Variants in NUP210 observed in about 807,000 individuals in gnomAD.
NUP210 encodes the protein nucleoporin 210, also known as nuclear pore membrane glycoprotein 210.
In NUP210, 151 loss-of-function variants were observed where a neutral mutation model predicts 196.0. That is an observed-to-expected ratio of 0.77 (90% CI 0.67 to 0.88). NUP210 has a LOEUF of 0.88. NUP210 is among the 40% of genes least tolerant of loss of function. The pLI is 0.00. For missense variants in NUP210, 2,314 were observed against 2,493.7 expected (o/e 0.93, Z 1.53); for synonymous variants, 1,070 against 1,052.7 (o/e 1.02, Z -0.32).
chr3:13,398,268 C>A (rs1346506236), intron 2 of NUP210, among the ~76,000 whole-genome samples: 1 of 152,064 alleles, frequency 6.6e-6, no homozygotes, highest in Non-Finnish European at 1.5e-5. Flanking sequence ...GATGAAACCC[C>A]ATCTTTATTA....
chr3:13,412,231 C>CTTTTTTTTTTTTTTTTTTTTTTT (rs71066953), intron 1 of NUP210, among the ~76,000 whole-genome samples: 1 of 104,790 alleles, frequency 9.5e-6, no homozygotes, highest in African/African-American at 5.2e-5. Context: ...TTTTCCTTTT[C>CTTTTTTTTTTTTTTTTTTTTTTT]TTTTTTTTTT....
At position 13,420,023 on chromosome 3, in the gene NUP210, G is replaced by T; in HGVS notation, c.167+37C>A. 2 of 1,162,554 alleles carry T rather than the reference G, an allele frequency of 1.7e-6. No homozygotes were observed. Among genetic ancestry groups the T allele is most frequent in the South Asian group, 2.8e-5 (1 of 36,114 alleles). The allele number at this position is 1,162,554 out of a possible 1,614,324, so 72.0% of individuals were successfully genotyped here. A position where few individuals can be genotyped will look rare whatever the true frequency, so the allele number is the denominator to read the frequency against. On this transcript the variant is annotated intron_variant, in intron 1 of 39. Coordinates refer to ENST00000254508, the MANE Select transcript of NUP210 (RefSeq NM_024923.4). The surrounding 1 kb of genome is among the most constrained non-coding windows in gnomAD (Gnocchi z 4.8). ...CCTCTCAGCGCGAAGGCCCAGCCCG[G>T]CCCACGGCGCCCGCCCGGCCCGGCC...
chr3:13,361,399 C>T (rs1222204310), intron 14 of NUP210, among the ~76,000 whole-genome samples: 1 of 152,206 alleles, frequency 6.6e-6, no homozygotes, highest in Non-Finnish European at 1.5e-5. Flanking sequence ...CAGTGGTGCC[C>T]AGGGCCCCAT....
Position 13,340,251 on chromosome 3 carries a change from G to A in NUP210, c.3276C>T (p.Ile1092=), listed in dbSNP as rs752404764. The A allele has an allele frequency of 5.0e-6, 8 of 1,613,308 alleles. No individual in the cohort carries two copies. The highest frequency in any genetic ancestry group is 1.6e-4 in the Middle Eastern group (1 of 6,082). The change falls in exon 24 of 40, where the codon ATC becomes ATT. Residue 1092 remains isoleucine, a synonymous_variant. Coordinates refer to ENST00000254508, the MANE Select transcript of NUP210 (RefSeq NM_024923.4). The surrounding 1 kb of genome is among the most constrained non-coding windows in gnomAD (Gnocchi z 4.0). ...RLMPRKVTLL[I]GATMQVTSEG... ...TGGCTCTCACCTGCATCGTGGCCCCGATAAGCAGTGTCACCTTCCTGGGCA... is the reference window on the plus strand; with the variant it reads ...TGGCTCTCACCTGCATCGTGGCCCCAATAAGCAGTGTCACCTTCCTGGGCA...
Position 13,317,415 on chromosome 3 carries a change from C to A in NUP210, c.*266G>T, listed in dbSNP as rs1696311669. 1 of 493,636 alleles carries A rather than the reference C, an allele frequency of 2.0e-6. No homozygotes were observed. Among genetic ancestry groups the A allele is most frequent in the Non-Finnish European group, 3.7e-6 (1 of 273,602 alleles). 30.6% of individuals were successfully genotyped at this position (493,636 alleles called of 1,614,324 possible). On this transcript the variant is annotated 3_prime_UTR_variant, in exon 40 of 40. Transcript: ENST00000254508. ...CAGCACATTGTCCAGAAACCCTAGA[C>A]AACCATGCAAAAAGGAATGAGCCAA...
rs1696537792 is a variant in NUP210 at position 13,321,735 on chromosome 3, G to A, written c.5016C>T (p.Ser1672=). The change falls in exon 36 of 40, where the codon TCC becomes TCT. Residue 1672 remains serine (S), a synonymous_variant. Transcript: ENST00000254508. ...CCTGCTCTGTGGAGAAGTGGCTGCTGGAGAGGGAGGCACTGACCACCAGAG... is the reference window on the plus strand; with the variant it reads ...CCTGCTCTGTGGAGAAGTGGCTGCTAGAGAGGGAGGCACTGACCACCAGAG... The part of the protein sequence containing the change: ...KTALVVSASL[S]SSHFSTEQVG... 6.2e-7 allele frequency: 1 copy of A among 1,614,012 alleles called. No individual in the cohort carries two copies. The highest frequency in any genetic ancestry group is 8.5e-7 in the Non-Finnish European group (1 of 1,180,036).
chr3:13,354,384 A>G, intron 16 of NUP210: 1 of 464,276 alleles, frequency 2.2e-6, no homozygotes, highest in South Asian at 2.4e-5. Context: ...GGCTGTCCCT[A>G]CGCATGAGTC....
rs181256527 is a variant in NUP210 at position 13,351,893 on chromosome 3, T to C, written c.2821A>G (p.Arg941Gly). 156 of 1,613,306 alleles carry C rather than the reference T, an allele frequency of 9.7e-5. No homozygotes were observed. In the Admixed American group the frequency reaches 1.7e-3, roughly 18 times the overall value. The change falls in exon 20 of 40, where the codon AGG (arginine) becomes GGG (glycine). Residue 941 changes from arginine (R) to glycine (G), a missense_variant. Arg to Gly is a moderately radical substitution (Grantham distance 125, BLOSUM62 -2). Transcript: ENST00000254508. Reference protein sequence around the residue: ...DVVKVAYQEARGVAMVHPLLP... With the variant: ...DVVKVAYQEAGGVAMVHPLLP... ...CCCAAGCTTACCATGGCGACACCCCTGGCCTCCTGGTAGGCCACCTTGACA... is the reference window on the plus strand; with the variant it reads ...CCCAAGCTTACCATGGCGACACCCCCGGCCTCCTGGTAGGCCACCTTGACA...
At position 13,325,849 on chromosome 3, in the gene NUP210, C is replaced by T; in HGVS notation, c.4590G>A (p.Val1530=). ...PKTGVAVARA[V]GSVTVYYEVA... ...CCTCATAGTAAACCGTCACGGATCC[C>T]ACGGCCCGGGCCACAGCCACACCCG... is the stretch of plus-strand genomic sequence containing the variant. Residue 1530 remains valine (V), a synonymous_variant, in exon 33 of 40, where the codon GTG becomes GTA. Transcript: ENST00000254508. 2 of 1,613,974 alleles carry T rather than the reference C, an allele frequency of 1.2e-6. No homozygotes were observed. The highest frequency in any genetic ancestry group is 1.7e-6 in the Non-Finnish European group (2 of 1,180,024).
chr3:13,390,103 C>T (rs985116490), intron 4 of NUP210, among the ~76,000 whole-genome samples: 6 of 152,122 alleles, frequency 3.9e-5, no homozygotes, highest in African/African-American at 1.4e-4. Context: ...TGACCAAACT[C>T]GAGTAAGGTC....
intron 11 of NUP210, among the ~76,000 whole-genome samples, chr3:13,374,216 A>C (rs1231854630): frequency 6.6e-6 from 1 of 152,138 alleles, no homozygotes; most frequent in Non-Finnish European, 1.5e-5. Context: ...TCATTCGTAC[A>C]CATGCTCACT....
chr3:13,317,828 G>T, intron 39 of NUP210, 47 bp from the exon 40 acceptor site: 1 of 1,344,876 alleles, frequency 7.4e-7, no homozygotes, highest in Non-Finnish European at 1.0e-6. Flanking sequence ...CAGGGAAAGC[G>T]GCGCACTCTT....
chr3:13,378,476 A>C (rs1698994333), intron 8 of NUP210, among the ~76,000 whole-genome samples: 1 of 152,230 alleles, frequency 6.6e-6, no homozygotes, highest in Non-Finnish European at 1.5e-5. Context: ...GCTCTGTCTG[A>C]GAAAATGCCT....
rs767710739 is a variant in NUP210, at chr3:13,321,793, T to C, written c.4958A>G (p.Lys1653Arg). The change falls in exon 36 of 40, where the codon AAG becomes AGG. Residue 1653 changes from lysine to arginine, a missense_variant. By Grantham distance (26) the Lys-to-Arg change is conservative. Transcript: ENST00000254508. ...CSITMHRLTDKQRKHLSMKKT... is the reference protein window; with the variant it reads ...CSITMHRLTDRQRKHLSMKKT... Reference sequence around the variant, plus strand: ...CTTCATGCTCAGGTGCTTCCGCTGCTTGTCCGTCAGCCTGTGCATTGTGAT... The same window carrying C: ...CTTCATGCTCAGGTGCTTCCGCTGCCTGTCCGTCAGCCTGTGCATTGTGAT... 1.9e-6 allele frequency: 3 copies of C among 1,610,668 alleles called. No individual in the cohort carries two copies. Among genetic ancestry groups the C allele is most frequent in the East Asian group, 4.5e-5 (2 of 44,876 alleles).
chr3:13,352,165 A>T lies in NUP210; in HGVS notation c.2648T>A (p.Leu883Gln). The change falls in exon 19 of 40, where the codon CTG becomes CAG. Residue 883 changes from leucine to glutamine, a missense_variant. Transcript: ENST00000254508. ...CAGGATGAGCTCTATGGAGGCCGAC[A>T]GAGGCACCAGAGGGTCATGCTGAAG... Reference protein sequence around the residue: ...TKQPHDPLVPLSASIELILVE... With the variant: ...TKQPHDPLVPQSASIELILVE... The T allele has an allele frequency of 6.2e-7, 1 of 1,613,406 alleles. No individual in the cohort carries two copies. Among genetic ancestry groups the T allele is most frequent in the Non-Finnish European group, 8.5e-7 (1 of 1,179,776 alleles).
Position 13,332,560 on chromosome 3 carries a change from AGGTGTGGCCG to A in NUP210, c.3844-186_3844-177del, listed in dbSNP as rs545697183. 1.7e-3 allele frequency among the ~76,000 whole-genome samples: 264 copies of A among 152,310 alleles called. 1 individual carries two copies. Among genetic ancestry groups the A allele is most frequent in the Non-Finnish European group, 3.1e-3 (213 of 68,026 alleles). On this transcript the variant is annotated intron_variant, in intron 28 of 39. Transcript: ENST00000254508. ...GAAGGGCTGACCTTTAAGAGGCCAA[AGGTGTGGCCG>A]GGTAGAGTAGCTCAGCCAAGGCAAC...
chr3:13,368,989 T>C (rs963496320), intron 13 of NUP210, among the ~76,000 whole-genome samples: 1 of 152,220 alleles, frequency 6.6e-6, no homozygotes, highest in African/African-American at 2.4e-5. Context: ...ACTCCATGTT[T>C]ACTTTCTTGA....
intron 30 of NUP210, 129 bp from the exon 31 acceptor site, chr3:13,329,075 TAGGG>T: frequency 1.4e-6 from 1 of 739,930 alleles, no homozygotes; most frequent in Non-Finnish European, 2.2e-6. Flanking sequence ...GGGCTGGACT[TAGGG>T]GTCCTGAGAG....
At chr3:13,364,286 G>A (rs144264701) in intron 14 of NUP210, among the ~76,000 whole-genome samples, 1 of 152,194 alleles carries the variant, frequency 6.6e-6, no homozygotes, top group Non-Finnish European at 1.5e-5. Context: ...AAGTAGGTAG[G>A]TATTCATGCC....
Sources: allele counts gnomAD v4.1 joint callset (sites outside exome capture counted in the v4.1 genomes callset), GRCh38; gene constraint gnomAD v4.1.1; non-coding constraint Gnocchi (gnomAD v3.1); transcripts MANE v1.5; gene names NCBI Gene and HGNC (gene_info 2026-07-23, HGNC 2026-07-21).